NEO1: variants seen among roughly 807,000 people sequenced by gnomAD.
The protein encoded by NEO1 is neogenin 1, also known as neogenin.
NEO1 carries 63 observed loss-of-function variants against 159.7 expected under a neutral mutation model. That is an observed-to-expected ratio of 0.39 (90% confidence interval 0.32 to 0.49). NEO1 has a LOEUF of 0.49. Among genes scored for constraint, NEO1 ranks in the 20% least tolerant of loss-of-function variants. The pLI is 0.85. For missense variants in NEO1, 1,615 were observed against 1,831.0 expected (o/e 0.88, Z 2.15); for synonymous variants, 633 against 662.0 (o/e 0.96, Z 0.67).
At chr15:73,156,286 G>A (rs2033767830) in intron 5 of NEO1, among the ~76,000 whole-genome samples, 1 of 152,202 alleles carries the variant, frequency 6.6e-6, no homozygotes, top group African/African-American at 2.4e-5. Flanking sequence ...TATTGGTGGA[G>A]TCTGTGATGA....
At chr15:73,151,634 G>A (rs2033378877) in intron 5 of NEO1, among the ~76,000 whole-genome samples, 1 of 152,110 alleles carries the variant, frequency 6.6e-6, no homozygotes, top group Non-Finnish European at 1.5e-5. Context: ...GAAGTGCCAA[G>A]CAAACCCTTA....
chr15:73,189,735 G>C (rs1278559225), intron 7 of NEO1, among the ~76,000 whole-genome samples: 2 of 152,014 alleles, frequency 1.3e-5, no homozygotes, highest in East Asian at 3.9e-4. Flanking sequence ...ATGACTATTA[G>C]GTTAATTATC....
intron 1 of NEO1, among the ~76,000 whole-genome samples, chr15:73,081,638 C>G (rs1303446249): frequency 1.3e-5 from 2 of 151,826 alleles, no homozygotes; most frequent in South Asian, 4.2e-4. Flanking sequence ...TGCAGTAGCA[C>G]CATCACAGCT....
chr15:73,094,704 G>A (rs796335485), intron 1 of NEO1, among the ~76,000 whole-genome samples: 4 of 152,142 alleles, frequency 2.6e-5, no homozygotes, highest in Admixed American at 2.6e-4. Flanking sequence ...TTGGGATATT[G>A]CTGGTTGCTT....
At chr15:73,182,304 T>G (rs2035656579) in intron 7 of NEO1, among the ~76,000 whole-genome samples, 1 of 151,864 alleles carries the variant, frequency 6.6e-6, no homozygotes. Context: ...AGAAGAATGG[T>G]GACACCTTTA....
chr15:73,144,251 A>G (rs1490220805), intron 5 of NEO1, among the ~76,000 whole-genome samples: 1 of 152,212 alleles, frequency 6.6e-6, no homozygotes, highest in Non-Finnish European at 1.5e-5. Flanking sequence ...ACATGTTTAC[A>G]AACAATTCAT....
At chr15:73,252,378 A>AT (rs2040122629) in intron 11 of NEO1, among the ~76,000 whole-genome samples, 1 of 152,232 alleles carries the variant, frequency 6.6e-6, no homozygotes, top group African/African-American at 2.4e-5. Flanking sequence ...ATAACTCTGG[A>AT]TTATGTTCTA....
Position 73,302,815 on chromosome 15 carries a change from C to G in NEO1, c.*119C>G, listed in dbSNP as rs1027025115. 3.3e-6 allele frequency: 3 copies of G among 895,912 alleles called. No homozygotes were observed. Among genetic ancestry groups the G allele is most frequent in the African/African-American group, 3.3e-5 (2 of 60,346 alleles). The allele number at this position is 895,912 out of a possible 1,614,324, so 55.5% of individuals were successfully genotyped here. ...CACTTGAGAACACAGAATGAGCCAG[C>G]AGACTGGCCAGCGCCTCTGTGTAGG... is the stretch of plus-strand genomic sequence containing the variant. On this transcript the variant is annotated 3_prime_UTR_variant, in exon 29 of 29. Coordinates refer to ENST00000261908, the MANE Select transcript of NEO1 (RefSeq NM_002499.4).
chr15:73,250,421 C>T (rs972868010), intron 11 of NEO1, among the ~76,000 whole-genome samples: 5 of 151,856 alleles, frequency 3.3e-5, no homozygotes, highest in African/African-American at 4.8e-5. Flanking sequence ...ATGTGTATAC[C>T]GCTCTTACGT....
intron 5 of NEO1, among the ~76,000 whole-genome samples, chr15:73,170,834 G>A (rs1307974374): frequency 1.3e-5 from 2 of 152,106 alleles, no homozygotes; most frequent in Non-Finnish European, 2.9e-5. Flanking sequence ...AGTAATATAA[G>A]GGATGTTTCT....
intron 7 of NEO1, among the ~76,000 whole-genome samples, chr15:73,212,756 C>CA (rs11418062): frequency 0.11 from 16,070 of 146,700 alleles, 1,215 homozygotes; most frequent in African/African-American, 0.22. Flanking sequence ...GGAAACAGCC[C>CA]AAAAAAAAAG....
chr15:73,122,823 G>T, intron 3 of NEO1, 23 bp downstream of exon 3: 1 of 1,611,226 alleles, frequency 6.2e-7, no homozygotes, highest in Non-Finnish European at 8.5e-7. Flanking sequence ...TATCAGGACT[G>T]ATGGTTTTAT....
At chr15:73,212,028 C>G (rs2037608678) in intron 7 of NEO1, among the ~76,000 whole-genome samples, 1 of 152,152 alleles carries the variant, frequency 6.6e-6, no homozygotes, top group Non-Finnish European at 1.5e-5. Context: ...GTGATGTACC[C>G]TTTTCAATAC....
At chr15:73,302,214 C>G (rs781669057) in intron 28 of NEO1, among the ~76,000 whole-genome samples, 53 of 152,212 alleles carry the variant, frequency 3.5e-4, no homozygotes, top group Non-Finnish European at 1.2e-4. Context: ...TGATCTTTCA[C>G]TCTCAAACTC....
At chr15:73,135,494 T>A (rs1209556812) in intron 4 of NEO1, among the ~76,000 whole-genome samples, 1 of 152,252 alleles carries the variant, frequency 6.6e-6, no homozygotes, top group East Asian at 1.9e-4. Flanking sequence ...AATCTCAGTG[T>A]GGCATAGCTG....
At chr15:73,283,493 G>T (rs2041814451) in intron 23 of NEO1, among the ~76,000 whole-genome samples, 1 of 152,190 alleles carries the variant, frequency 6.6e-6, no homozygotes, top group African/African-American at 2.4e-5. Flanking sequence ...CAAAGTGGGT[G>T]CTAGAGGCAT....
intron 5 of NEO1, among the ~76,000 whole-genome samples, chr15:73,164,057 T>G (rs955445747): frequency 6.6e-6 from 1 of 150,464 alleles, no homozygotes; most frequent in African/African-American, 2.4e-5. Flanking sequence ...AGACAGAGTC[T>G]CACTCTGTCG....
In NEO1 at chr15:73,298,456, C is replaced by T; in HGVS notation, c.4010C>T (p.Ala1337Val). The change falls in exon 27 of 29, where the codon GCC becomes GTC. Residue 1337 changes from alanine to valine, a missense_variant. Transcript: ENST00000261908. Reference sequence around the variant, plus strand: ...GGTGCTACCAGCTCCTCTTACTTGGCCAGCTCCCAAGAGGAAGATTCAGGC... The same window carrying T: ...GGTGCTACCAGCTCCTCTTACTTGGTCAGCTCCCAAGAGGAAGATTCAGGC... ...PEGATSSSYL[A>V]SSQEEDSGQS... is the part of the protein sequence containing the mutation. The T allele has an allele frequency of 6.2e-7, 1 of 1,614,212 alleles. No individual in the cohort carries two copies. Among genetic ancestry groups the T allele is most frequent in the Non-Finnish European group, 8.5e-7 (1 of 1,180,050 alleles).
intron 9 of NEO1, among the ~76,000 whole-genome samples, chr15:73,245,399 G>T (rs957769478): frequency 1.3e-5 from 2 of 152,150 alleles, no homozygotes; most frequent in Admixed American, 6.6e-5. Flanking sequence ...AGTGACGTGA[G>T]TGTCAATCAG....
Sources: allele counts gnomAD v4.1 joint callset (sites outside exome capture counted in the v4.1 genomes callset), GRCh38; gene constraint gnomAD v4.1.1; transcripts MANE v1.5; gene names NCBI Gene and HGNC (gene_info 2026-07-23, HGNC 2026-07-21).